OSBP: variants seen among roughly 807,000 people sequenced by gnomAD.
OSBP encodes the protein oxysterol-binding protein 1.
In OSBP, 32 loss-of-function variants were observed where a neutral mutation model predicts 96.6. The observed-to-expected ratio is 0.33, with a 90% CI of 0.25 to 0.45. OSBP has a LOEUF of 0.45. OSBP is among the 20% of genes least tolerant of loss of function. OSBP has a pLI of 1.00. For synonymous variants in OSBP, 369 were observed against 389.6 expected (o/e 0.95, Z 0.62); for missense variants, 653 against 1,029.7 (o/e 0.63, Z 5.01).
Position 59,597,027 on chromosome 11 carries a change from G to A in OSBP, c.1312-2772C>T, listed in dbSNP as rs549022449. On this transcript the variant is annotated intron_variant, in intron 7 of 13. Coordinates refer to ENST00000263847, the MANE Select transcript of OSBP (RefSeq NM_002556.3). ...AGATCAATAAGGAACTAATGGTAAA[G>A]GAGGACAGAGAAGTCACCTAGACCC... is the stretch of plus-strand genomic sequence containing the variant. 2.0e-5 allele frequency among the ~76,000 whole-genome samples: 3 copies of A among 152,242 alleles called. No homozygotes were observed. The South Asian group carries it at 6.2e-4, about 32-fold the overall frequency.
rs1440089956 is a variant in OSBP, at chr11:59,615,451, G to A, written c.214C>T (p.Pro72Ser). 2 of 1,383,038 alleles carry A rather than the reference G, an allele frequency of 1.4e-6. No homozygotes were observed. Among genetic ancestry groups the A allele is most frequent in the East Asian group, 3.4e-5 (1 of 29,094 alleles). 85.7% of individuals were successfully genotyped at this position (1,383,038 alleles called of 1,614,324 possible). ...CCCGAGCCCCCAGTCGGCGGCGCAGGGGCCGGGCCAGCCGCCGCCACTCCC... is the reference window on the plus strand; with the variant it reads ...CCCGAGCCCCCAGTCGGCGGCGCAGAGGCCGGGCCAGCCGCCGCCACTCCC... ...AGGVAAAGPAPAPPTGGSGGS... is the reference protein window; with the variant it reads ...AGGVAAAGPASAPPTGGSGGS... Residue 72 changes from proline to serine, a missense_variant, in exon 1 of 14, where the codon CCT becomes TCT. Physicochemically the swap from Pro to Ser is moderately conservative, Grantham distance 74 (BLOSUM62 -1). Coordinates refer to ENST00000263847, the MANE Select transcript of OSBP (RefSeq NM_002556.3).
At position 59,586,447 on chromosome 11, in the gene OSBP, G is replaced by A. The variant is rs909012442; in HGVS notation, c.1679-4893C>T. 7.9e-5 allele frequency among the ~76,000 whole-genome samples: 12 copies of A among 152,272 alleles called. No homozygotes were observed. The East Asian group carries it at 2.3e-3, about 29-fold the overall frequency. ...GAAACACATCCTATGTTCATAGATT[G>A]GAAGACTCAACATTGTTAAGGTTGT... is the stretch of plus-strand genomic sequence containing the variant. On this transcript the variant is annotated intron_variant, in intron 9 of 13. Transcript: ENST00000263847.
Position 59,610,504 on chromosome 11 carries a change from T to G in OSBP, c.448A>C (p.Ile150Leu), listed in dbSNP as rs1278534804. 2 of 1,614,188 alleles carry G rather than the reference T, an allele frequency of 1.2e-6. No individual in the cohort carries two copies. Among genetic ancestry groups the G allele is most frequent in the Non-Finnish European group, 1.7e-6 (2 of 1,180,022 alleles). ...NITVEDSCNF[I>L]ISNGGAQTYH... Reference sequence around the variant, plus strand: ...GTCTGAGCACCCCCATTGGAAATGATGAAGTTGCAGGAGTCCTCCACGGTG... The same window carrying G: ...GTCTGAGCACCCCCATTGGAAATGAGGAAGTTGCAGGAGTCCTCCACGGTG... The change falls in exon 2 of 14, where the codon ATC becomes CTC. Residue 150 changes from isoleucine to leucine, a missense_variant. Around this residue, in one of 6 missense-constraint regions of OSBP, gnomAD observed 308 missense variants for 573.1 expected, o/e 0.54. Transcript: ENST00000263847.
intron 3 of OSBP, among the ~76,000 whole-genome samples, chr11:59,608,035 G>A (rs185063693): frequency 6.6e-6 from 1 of 152,260 alleles, no homozygotes; most frequent in East Asian, 1.9e-4. Flanking sequence ...GTAAGGAGAT[G>A]ACTCCAACTC....
chr11:59,583,083 G>A (rs1860441710), intron 9 of OSBP, among the ~76,000 whole-genome samples: 1 of 152,128 alleles, frequency 6.6e-6, no homozygotes, highest in South Asian at 2.1e-4. Context: ...GGCCAAAGCA[G>A]GCAGATCACT....
At chr11:59,600,743 C>G in intron 6 of OSBP, 76 bp downstream of exon 6, 1 of 1,406,450 alleles carries the variant, frequency 7.1e-7, no homozygotes, top group African/African-American at 1.5e-5. Flanking sequence ...CTTAGCACTT[C>G]ACAAAAAAAA....
intron 7 of OSBP, among the ~76,000 whole-genome samples, chr11:59,596,989 A>G (rs1860667071): frequency 6.6e-6 from 1 of 152,208 alleles, no homozygotes; most frequent in South Asian, 2.1e-4. Context: ...AGGACTGTAC[A>G]TTCTTAAAGG....
intron 5 of OSBP, among the ~76,000 whole-genome samples, 164 bp downstream of exon 5, chr11:59,601,115 CAAAA>C (rs11405726): frequency 1.8e-5 from 2 of 113,864 alleles, no homozygotes; most frequent in East Asian, 2.7e-4. Flanking sequence ...GATCTTGAGA[CAAAA>C]AAAAAAAAAA....
Position 59,576,649 on chromosome 11 carries a change from G to C in OSBP, c.2352C>G (p.Thr784=). ...CCCAGTATTCTCCCCTATAAATATG[G>C]GTTAACTCCTTGGTAACAGGGTCCT... ...RKKDPVTKEL[T]HIYRGEYWEC... Residue 784 remains threonine (T), a synonymous_variant, in exon 14 of 14, where the codon ACC becomes ACG. Coordinates refer to ENST00000263847, the MANE Select transcript of OSBP (RefSeq NM_002556.3). 1 of 1,614,012 alleles carries C rather than the reference G, an allele frequency of 6.2e-7. No individual in the cohort carries two copies. Among genetic ancestry groups the C allele is most frequent in the Non-Finnish European group, 8.5e-7 (1 of 1,179,988 alleles).
Position 59,574,769 on chromosome 11 carries a change from C to T in OSBP, c.*1808G>A, listed in dbSNP as rs1374963740. ...TTCCCCAGCAGTCAAAGTCACTCCT[C>T]TCCCATGTTTATCACAACTAGGAAG... On this transcript the variant is annotated 3_prime_UTR_variant, in exon 14 of 14. Transcript: ENST00000263847. 1 of 152,550 alleles carries T rather than the reference C, an allele frequency of 6.6e-6. No homozygotes were observed. Among genetic ancestry groups the T allele is most frequent in the African/African-American group, 2.4e-5 (1 of 41,414 alleles). 9.4% of individuals were successfully genotyped at this position (152,550 alleles called of 1,614,324 possible).
chr11:59,606,534 G>C (rs1860783117), intron 3 of OSBP, among the ~76,000 whole-genome samples: 1 of 152,072 alleles, frequency 6.6e-6, no homozygotes, highest in Admixed American at 6.5e-5. Context: ...GATTCCAAAA[G>C]TGGGGAGGAA....
chr11:59,607,203 C>A (rs577331739), intron 3 of OSBP, among the ~76,000 whole-genome samples: 8 of 152,154 alleles, frequency 5.3e-5, no homozygotes, highest in African/African-American at 1.9e-4. Flanking sequence ...AAAAAGTATA[C>A]GTATTTACTA....
chr11:59,596,743 G>C (rs1860663893), intron 7 of OSBP, among the ~76,000 whole-genome samples: 1 of 152,096 alleles, frequency 6.6e-6, no homozygotes, highest in Non-Finnish European at 1.5e-5. Flanking sequence ...GGCAGGGGAG[G>C]CCTCTCCAGT....
At chr11:59,602,424 A>G (rs1001393382) in intron 3 of OSBP, among the ~76,000 whole-genome samples, 6 of 152,242 alleles carry the variant, frequency 3.9e-5, no homozygotes, top group Non-Finnish European at 4.4e-5. Context: ...GCCTACTTGA[A>G]AAATCAAAGA....
At chr11:59,594,403 TTCTCC>T (rs1860622998) in intron 7 of OSBP, 148 bp from the exon 8 acceptor site, 1 of 686,990 alleles carries the variant, frequency 1.5e-6, no homozygotes, top group Non-Finnish European at 2.4e-6. Context: ...AAACAACCCA[TTCTCC>T]TTGTCAACTG....
chr11:59,613,787 G>C (rs114923943), intron 1 of OSBP, among the ~76,000 whole-genome samples: 21 of 152,208 alleles, frequency 1.4e-4, no homozygotes, highest in Non-Finnish European at 2.9e-4. Flanking sequence ...TAAGCAGTGA[G>C]GATGAGCTAT....
chr11:59,576,649 G>T lies in OSBP; in HGVS notation c.2352C>A (p.Thr784=). Residue 784 remains threonine (T), a synonymous_variant, in exon 14 of 14, where the codon ACC becomes ACA. Transcript: ENST00000263847. Reference sequence around the variant, plus strand: ...CCCAGTATTCTCCCCTATAAATATGGGTTAACTCCTTGGTAACAGGGTCCT... The same window carrying T: ...CCCAGTATTCTCCCCTATAAATATGTGTTAACTCCTTGGTAACAGGGTCCT... ...RKKDPVTKEL[T]HIYRGEYWEC... is the part of the protein sequence containing the mutation. 1 of 1,614,012 alleles carries T rather than the reference G, an allele frequency of 6.2e-7. No homozygotes were observed.
intron 3 of OSBP, among the ~76,000 whole-genome samples, chr11:59,605,372 T>G (rs1860769794): frequency 6.6e-6 from 1 of 152,128 alleles, no homozygotes; most frequent in African/African-American, 2.4e-5. Context: ...TACCACTACC[T>G]GGATCAAAGC....
At chr11:59,611,448 C>T (rs572270487) in intron 1 of OSBP, among the ~76,000 whole-genome samples, 1 of 152,258 alleles carries the variant, frequency 6.6e-6, no homozygotes, top group South Asian at 2.1e-4. Context: ...CAAACCATCT[C>T]GCTCCCGACT....
Sources: gnomAD v4.1 joint callset for allele counts (sites outside exome capture counted in the v4.1 genomes callset) on GRCh38, gnomAD v4.1.1 for gene constraint, gnomAD v4.1.1 regional missense constraint, MANE v1.5 for transcripts, NCBI Gene and HGNC (gene_info 2026-07-23, HGNC 2026-07-21) for gene names.